The following PAX3 variants were observed in gnomAD, a reference collection of about 807,000 sequenced individuals.
PAX3 encodes the protein paired box 3.
In PAX3, 14 loss-of-function variants were observed where a neutral mutation model predicts 51.6. The observed-to-expected ratio is 0.27, with a 90% CI of 0.18 to 0.42. The LOEUF is 0.42. Ranked by LOEUF, PAX3 falls within the 10% of genes least tolerant of loss-of-function variation. The pLI is 1.00. For missense variants in PAX3, 540 were observed against 642.8 expected (o/e 0.84, Z 1.73); for synonymous variants, 280 against 253.4 (o/e 1.11, Z -1.00).
intron 4 of PAX3, among the ~76,000 whole-genome samples, chr2:222,272,586 T>C (rs1694292508): frequency 6.6e-6 from 1 of 152,246 alleles, no homozygotes; most frequent in South Asian, 2.1e-4. Flanking sequence ...AAATTAAACT[T>C]GTCAGAAGTA....
At position 222,291,056 on chromosome 2, in the gene PAX3, A is replaced by AG. The variant is rs544030747; in HGVS notation, c.586+3110dup. ...CTTCGAGCCGGCCAGAGAGTAGGGG[A>AG]GGGGGCGGAGCGGCGCGGCGCTTTG... On this transcript the variant is annotated intron_variant, in intron 4 of 8. Transcript: ENST00000392070. Among the ~76,000 whole-genome samples, 11 of 145,280 alleles carry AG rather than the reference A, an allele frequency of 7.6e-5. No individual in the cohort carries two copies. In the South Asian group the frequency reaches 1.1e-3, roughly 15 times the overall value.
intron 4 of PAX3, among the ~76,000 whole-genome samples, chr2:222,268,234 G>A (rs1298742532): frequency 6.6e-6 from 1 of 152,206 alleles, no homozygotes; most frequent in African/African-American, 2.4e-5. Flanking sequence ...CCTATCTGCA[G>A]ACATGTATGT....
chr2:222,290,108 G>A (rs1463960435), intron 4 of PAX3, among the ~76,000 whole-genome samples: 1 of 152,204 alleles, frequency 6.6e-6, no homozygotes, highest in Non-Finnish European at 1.5e-5. Context: ...AACCGGGAAA[G>A]AAACGGCCCT....
chr2:222,256,848 A>C (rs1693665287), intron 4 of PAX3, among the ~76,000 whole-genome samples: 1 of 152,210 alleles, frequency 6.6e-6, no homozygotes, highest in Non-Finnish European at 1.5e-5. Context: ...ACTGGCCCAA[A>C]ACTTATTCTA....
intron 4 of PAX3, among the ~76,000 whole-genome samples, chr2:222,274,443 G>A (rs1694351412): frequency 6.6e-6 from 1 of 150,884 alleles, no homozygotes; most frequent in Non-Finnish European, 1.5e-5. Context: ...AATAGTAAAT[G>A]TCTCAACGCT....
chr2:222,237,689 G>T (rs932279145), intron 4 of PAX3, among the ~76,000 whole-genome samples: 3 of 152,162 alleles, frequency 2.0e-5, no homozygotes, highest in Non-Finnish European at 4.4e-5. Context: ...CTGACCATTT[G>T]CAGTCTTTAC....
chr2:222,293,806 A>G (rs1415821646), intron 4 of PAX3: 8 of 1,613,948 alleles, frequency 5.0e-6, no homozygotes, highest in Non-Finnish European at 5.9e-6. Flanking sequence ...AGTACCCTCT[A>G]TCCCCGGCCC....
chr2:222,219,446 T>C (rs1165373173), intron 7 of PAX3, among the ~76,000 whole-genome samples: 1 of 152,194 alleles, frequency 6.6e-6, no homozygotes, highest in Non-Finnish European at 1.5e-5. Flanking sequence ...ATGCCACATG[T>C]AGGAAATTTA....
At chr2:222,270,523 GGGAAATCAA>G (rs1694214698) in intron 4 of PAX3, among the ~76,000 whole-genome samples, 1 of 152,186 alleles carries the variant, frequency 6.6e-6, no homozygotes, top group South Asian at 2.1e-4. Context: ...CTTATCTTCA[GGGAAATCAA>G]AAGCATCTTC....
At position 222,203,972 on chromosome 2, in the gene PAX3, A is replaced by G. The variant is rs1022363718; in HGVS notation, c.1174-1782T>C. Among the ~76,000 whole-genome samples the G allele has an allele frequency of 2.0e-5, 3 of 152,296 alleles. No individual in the cohort carries two copies. In the South Asian group the frequency reaches 6.2e-4, roughly 32 times the overall value. ...TTATTGTCTATGCACACACATGGGA[A>G]GGTGGGCTGGTGTGGGCAAAGCAAC... On this transcript the variant is annotated intron_variant, in intron 7 of 8. Transcript: ENST00000392070.
intron 7 of PAX3, among the ~76,000 whole-genome samples, chr2:222,203,044 T>TATATATATATATATATATATATAC (rs1559250419): frequency 8.1e-6 from 1 of 123,502 alleles, no homozygotes; most frequent in Non-Finnish European, 1.7e-5. Context: ...TATATATATA[T>TATATATATATATATATATATATAC]ATATATATAT....
intron 4 of PAX3, among the ~76,000 whole-genome samples, chr2:222,288,624 G>T (rs528574467): frequency 3.7e-4 from 57 of 152,224 alleles, no homozygotes; most frequent in African/African-American, 1.1e-3. Context: ...TTAGCAACAG[G>T]CAGATAGTAG....
At chr2:222,207,750 T>A (rs937976023) in intron 7 of PAX3, among the ~76,000 whole-genome samples, 3 of 152,154 alleles carry the variant, frequency 2.0e-5, no homozygotes, top group African/African-American at 7.2e-5. Flanking sequence ...ATAGCAATAT[T>A]CTTTACGGAC....
chr2:222,267,489 T>A (rs1694094101), intron 4 of PAX3, among the ~76,000 whole-genome samples: 1 of 152,158 alleles, frequency 6.6e-6, no homozygotes, highest in Admixed American at 6.5e-5. Flanking sequence ...TGCAAAAAAA[T>A]CTATTCTTTC....
At chr2:222,252,917 A>G (rs1235312313) in intron 4 of PAX3, among the ~76,000 whole-genome samples, 1 of 152,126 alleles carries the variant, frequency 6.6e-6, no homozygotes, top group African/African-American at 2.4e-5. Context: ...TAGCTTACTG[A>G]TGATCATTGC....
At chr2:222,203,792 C>T (rs548984436) in intron 7 of PAX3, among the ~76,000 whole-genome samples, 3 of 152,324 alleles carry the variant, frequency 2.0e-5, no homozygotes, top group Admixed American at 1.3e-4. Flanking sequence ...GCTGATCCAT[C>T]TTCAGCTGAC....
intron 4 of PAX3, chr2:222,293,748 A>C: frequency 6.2e-7 from 1 of 1,614,178 alleles, no homozygotes; most frequent in East Asian, 2.2e-5. Context: ...TCCGGAGACC[A>C]GGGCCTTTCC....
intron 7 of PAX3, among the ~76,000 whole-genome samples, chr2:222,215,497 G>T (rs1022048735): frequency 2.0e-5 from 3 of 151,878 alleles, no homozygotes; most frequent in Admixed American, 6.6e-5. Context: ...CGGGTGGGGG[G>T]TGAGGCATGA....
At position 222,232,196 on chromosome 2, in the gene PAX3, G is replaced by A. The variant is rs1432016603; in HGVS notation, c.674C>T (p.Thr225Ile). Residue 225 changes from threonine (T) to isoleucine (I), a missense_variant, in exon 5 of 9, where the codon ACC becomes ATC. Transcript: ENST00000392070. ...LKRKQRRSRT[T>I]FTAEQLEELE... Reference sequence around the variant, plus strand: ...TTCCTCCAGCTGTTCTGCTGTGAAGGTGGTTCGGCTTCTGCGCTGTTTCCT... The same window carrying A: ...TTCCTCCAGCTGTTCTGCTGTGAAGATGGTTCGGCTTCTGCGCTGTTTCCT... 6.2e-6 allele frequency: 10 copies of A among 1,614,088 alleles called. No homozygotes were observed. The highest frequency in any genetic ancestry group is 8.5e-6 in the Non-Finnish European group (10 of 1,179,974).
Sources: allele counts gnomAD v4.1 joint callset (sites outside exome capture counted in the v4.1 genomes callset), GRCh38; gene constraint gnomAD v4.1.1; transcripts MANE v1.5; gene names NCBI Gene and HGNC (gene_info 2026-07-23, HGNC 2026-07-21).